Variants in TERB2 observed in about 807,000 individuals in gnomAD.
The protein encoded by TERB2 is telomere repeats-binding bouquet formation protein 2.
In TERB2, 26 loss-of-function variants were observed where a neutral mutation model predicts 29.8. That is an observed-to-expected ratio of 0.87 (90% CI 0.64 to 1.21). The LOEUF (loss-of-function observed/expected upper bound fraction) is 1.21. TERB2 is among the 50% of genes most tolerant of loss of function. The probability of loss-of-function intolerance (pLI) is 0.00; values close to 1 mark genes in which losing one functional copy is unlikely to be tolerated. For synonymous variants in TERB2, 80 were observed against 90.8 expected (o/e 0.88, Z 0.68); for missense variants, 240 against 268.6 (o/e 0.89, Z 0.74).
intron 5 of TERB2, among the ~76,000 whole-genome samples, chr15:44,969,328 A>C (rs942992801): frequency 1.3e-5 from 2 of 152,020 alleles, no homozygotes; most frequent in African/African-American, 4.8e-5. Flanking sequence ...GGCTGGTCTC[A>C]AACTCCTGGC....
intron 2 of TERB2, 44 bp downstream of exon 2, chr15:44,957,021 C>T: frequency 3.2e-6 from 5 of 1,567,416 alleles, no homozygotes; most frequent in Non-Finnish European, 4.4e-6. Context: ...TAGGATGAGC[C>T]GGGAGTTAGG....
chr15:44,968,859 C>A (rs1422594022), intron 5 of TERB2, among the ~76,000 whole-genome samples: 1 of 151,948 alleles, frequency 6.6e-6, no homozygotes, highest in Non-Finnish European at 1.5e-5. Context: ...TGTAAATTAT[C>A]GGATGTGGAA....
rs763506858 is a variant in TERB2 at position 44,956,767 on chromosome 15, C to A, written c.49C>A (p.Leu17Met). 1 of 1,613,870 alleles carries A rather than the reference C, an allele frequency of 6.2e-7. No individual in the cohort carries two copies. The highest frequency in any genetic ancestry group is 1.1e-5 in the South Asian group (1 of 91,068). Residue 17 changes from leucine (L) to methionine (M), a missense_variant, in exon 1 of 7, where the codon CTG becomes ATG. Leu to Met is a conservative substitution (Grantham distance 15). Transcript: ENST00000340827. ...GWFCGSVSQD[L>M]RQFWVAEGGT... ...GTTTTGCGGCAGCGTTAGCCAGGATCTGAGGCAATTCTGGGGTAGGAAGCT... is the reference window on the plus strand; with the variant it reads ...GTTTTGCGGCAGCGTTAGCCAGGATATGAGGCAATTCTGGGGTAGGAAGCT...
At chr15:44,972,183 G>T (rs1024784765) in intron 5 of TERB2, among the ~76,000 whole-genome samples, 17 of 151,532 alleles carry the variant, frequency 1.1e-4, no homozygotes, top group African/African-American at 3.9e-4. Context: ...TAGAGACAGG[G>T]TTTCACCATG....
intron 4 of TERB2, among the ~76,000 whole-genome samples, chr15:44,962,482 C>T (rs1328016534): frequency 1.3e-5 from 2 of 152,086 alleles, no homozygotes; most frequent in African/African-American, 4.8e-5. Flanking sequence ...AGCCACCGCG[C>T]CCTGCCATTT....
chr15:44,972,428 G>A (rs1253728948), intron 5 of TERB2, among the ~76,000 whole-genome samples: 1 of 151,724 alleles, frequency 6.6e-6, no homozygotes, highest in South Asian at 2.1e-4. Flanking sequence ...AGTTATATGT[G>A]ATCTAAGTAT....
chr15:44,973,289 C>T (rs561667870), intron 5 of TERB2, among the ~76,000 whole-genome samples: 1 of 152,262 alleles, frequency 6.6e-6, no homozygotes, highest in East Asian at 1.9e-4. Context: ...ATAGAATCTA[C>T]TATGCTTTTC....
At chr15:44,957,004 CTTA>C (rs764345578) in intron 2 of TERB2, 27 bp downstream of exon 2, 78 of 1,594,092 alleles carry the variant, frequency 4.9e-5, no homozygotes, top group Non-Finnish European at 6.4e-5. Context: ...GGCAGTGCCT[CTTA>C]TGTTAGGATG....
At chr15:44,965,934 CTTCT>C (rs1227787905) in intron 4 of TERB2, among the ~76,000 whole-genome samples, 1 of 151,800 alleles carries the variant, frequency 6.6e-6, no homozygotes, top group African/African-American at 2.4e-5. Context: ...AAATTCTGGT[CTTCT>C]TTATGTGTCT....
chr15:44,962,183 C>CTGT (rs1555405781), intron 4 of TERB2, among the ~76,000 whole-genome samples: 1 of 138,224 alleles, frequency 7.2e-6, no homozygotes, highest in Non-Finnish European at 1.6e-5. Flanking sequence ...TTTACCAGTT[C>CTGT]TTTTTTTTTT....
chr15:44,969,674 G>C (rs1345012290), intron 5 of TERB2, among the ~76,000 whole-genome samples: 2 of 151,498 alleles, frequency 1.3e-5, no homozygotes, highest in Non-Finnish European at 1.5e-5. Context: ...TACTCCTGTA[G>C]TCCTAGCTAC....
At chr15:44,971,754 C>T (rs1891973758) in intron 5 of TERB2, among the ~76,000 whole-genome samples, 1 of 150,888 alleles carries the variant, frequency 6.6e-6, no homozygotes, top group Admixed American at 6.6e-5. Context: ...AGACTCTGTC[C>T]TCCGAAAAAA....
Position 44,969,632 on chromosome 15 carries a change from T to TAA in TERB2, c.434+3400_434+3401dup, listed in dbSNP as rs372158706. ...AGAGAGAGCCAGTCACTACAAAAGA[T>TAA]AAAAAAAAAAAATTAACTGGGTGTA... On this transcript the variant is annotated intron_variant, in intron 5 of 6. Coordinates refer to ENST00000340827, the MANE Select transcript of TERB2 (RefSeq NM_152448.3). Among the ~76,000 whole-genome samples, 549 of 143,112 alleles carry TAA rather than the reference T, an allele frequency of 3.8e-3. 2 individuals carry two copies. Among genetic ancestry groups the TAA allele is most frequent in the Non-Finnish European group, 5.3e-3 (344 of 65,322 alleles). The allele number at this position is 143,112 out of a possible 152,430, so 93.9% of individuals were successfully genotyped here.
intron 5 of TERB2, 99 bp downstream of exon 5, chr15:44,966,342 G>A: frequency 3.4e-6 from 2 of 582,770 alleles, no homozygotes; most frequent in Middle Eastern, 2.9e-4. Flanking sequence ...TTTCCTATGA[G>A]ATAGATAGCA....
chr15:44,959,074 T>A (rs938018806), intron 3 of TERB2, among the ~76,000 whole-genome samples: 1 of 152,176 alleles, frequency 6.6e-6, no homozygotes, highest in Admixed American at 6.5e-5. Context: ...TGTATTAAGG[T>A]GTCTGATGTG....
At chr15:44,967,348 G>T (rs1003279373) in intron 5 of TERB2, among the ~76,000 whole-genome samples, 2 of 152,218 alleles carry the variant, frequency 1.3e-5, no homozygotes, top group African/African-American at 4.8e-5. Flanking sequence ...ACAACGGAGT[G>T]CCCCAAACAG....
chr15:44,957,022 G>A, intron 2 of TERB2, 45 bp downstream of exon 2: 3 of 1,560,550 alleles, frequency 1.9e-6, no homozygotes, highest in Non-Finnish European at 1.8e-6. Context: ...AGGATGAGCC[G>A]GGAGTTAGGG....
At chr15:44,959,140 T>A (rs1487041678) in intron 3 of TERB2, among the ~76,000 whole-genome samples, 1 of 152,218 alleles carries the variant, frequency 6.6e-6, no homozygotes, top group African/African-American at 2.4e-5. Flanking sequence ...ATTTTTCTAA[T>A]TTTTTCTTCT....
At chr15:44,965,477 G>A (rs1474449397) in intron 4 of TERB2, among the ~76,000 whole-genome samples, 5 of 137,962 alleles carry the variant, frequency 3.6e-5, no homozygotes, top group South Asian at 2.2e-4. Context: ...TATTTATAAA[G>A]ATATATATTT....
Sources: gnomAD v4.1 joint callset for allele counts (sites outside exome capture counted in the v4.1 genomes callset) on GRCh38, gnomAD v4.1.1 for gene constraint, MANE v1.5 for transcripts, NCBI Gene and HGNC (gene_info 2026-07-23, HGNC 2026-07-21) for gene names.